FBP2: variants seen among roughly 807,000 people sequenced by gnomAD.
FBP2 encodes fructose-bisphosphatase 2.
A neutral mutation model predicts 31.6 loss-of-function variants in FBP2; 27 were observed. That is an observed-to-expected ratio of 0.85 (90% confidence interval 0.63 to 1.18). FBP2 has a LOEUF of 1.18. Ranked by LOEUF, FBP2 falls within the 50% of genes most tolerant of loss-of-function variation. The pLI is 0.00. For missense variants in FBP2, 421 were observed against 436.1 expected, an observed-to-expected ratio of 0.97 and a Z score of 0.31; for synonymous variants, 168 against 179.8, an observed-to-expected ratio of 0.93 and a Z score of 0.53.
chr9:94,563,419 C>A lies in FBP2; in HGVS notation c.748G>T (p.Val250Leu). 1 of 1,614,084 alleles carries A rather than the reference C, an allele frequency of 6.2e-7. No individual in the cohort carries two copies. Among genetic ancestry groups the A allele is most frequent in the Non-Finnish European group, 8.5e-7 (1 of 1,179,970 alleles). The change falls in exon 6 of 7, where the codon GTG becomes TTG. Residue 250 changes from valine to leucine, a missense_variant. Physicochemically the swap from Val to Leu is conservative, Grantham distance 32. Coordinates refer to ENST00000375337, the MANE Select transcript of FBP2 (RefSeq NM_003837.4). ...ACCAGGGTGCGGTGCACGTCAGCCA[C>A]CATGGAGCCCACATACCTGGCCCCA... ...PYGARYVGSM[V>L]ADVHRTLVYG...
chr9:94,562,052 C>T (rs1023895240), intron 6 of FBP2, among the ~76,000 whole-genome samples: 41 of 152,266 alleles, frequency 2.7e-4, no homozygotes, highest in African/African-American at 9.1e-4. Flanking sequence ...TGACTCATAC[C>T]TGTAATCCCA....
At chr9:94,576,989 T>C (rs926959798) in intron 3 of FBP2, among the ~76,000 whole-genome samples, 1 of 152,082 alleles carries the variant, frequency 6.6e-6, no homozygotes, top group Admixed American at 6.6e-5. Context: ...CTCCTGATAA[T>C]CTTGGGGCAC....
chr9:94,592,630 G>T (rs1827514751), intron 1 of FBP2, among the ~76,000 whole-genome samples: 1 of 152,160 alleles, frequency 6.6e-6, no homozygotes, highest in Admixed American at 6.5e-5. Flanking sequence ...CATCTCCCAG[G>T]TTCAAGCGAT....
chr9:94,570,485 C>G (rs1336825437), intron 4 of FBP2: 1 of 152,164 alleles, frequency 6.6e-6, no homozygotes, highest in Non-Finnish European at 1.5e-5. Context: ...ATGTAAATTT[C>G]ATAGGACAGG....
In FBP2 at chr9:94,571,466, T is replaced by A. The variant is rs1217987250; in HGVS notation, c.563A>T (p.Asp188Val). 7 of 1,609,614 alleles carry A rather than the reference T, an allele frequency of 4.3e-6. No individual in the cohort carries two copies. Among genetic ancestry groups the A allele is most frequent in the Non-Finnish European group, 5.9e-6 (7 of 1,177,932 alleles). The change falls in exon 4 of 7, where the codon GAC (aspartate) becomes GTC (valine). Residue 188 changes from aspartate to valine, a missense_variant. Transcript: ENST00000375337. ...TGQGVDLFML[D>V]PALGEFVLVE... The stretch of plus-strand genomic sequence containing the variant: ...GATGCCATATTCTGTACCTACCGGG[T>A]CAAGCATGAAGAGGTCCACGCCTTG...
In FBP2 at chr9:94,587,359, A is replaced by G; in HGVS notation, c.281T>C (p.Val94Ala). 1.9e-6 allele frequency: 3 copies of G among 1,614,086 alleles called. No homozygotes were observed. Among genetic ancestry groups the G allele is most frequent in the Non-Finnish European group, 2.5e-6 (3 of 1,180,008 alleles). Residue 94 changes from valine to alanine, a missense_variant, in exon 2 of 7, where the codon GTC (valine) becomes GCC (alanine). Coordinates refer to ENST00000375337, the MANE Select transcript of FBP2 (RefSeq NM_003837.4). ...GTCCTTATTCTCTTCTGAGACCAGGACGCAGGTACTATAGGAGGATTGGAC... is the reference window on the plus strand; with the variant it reads ...GTCCTTATTCTCTTCTGAGACCAGGGCGCAGGTACTATAGGAGGATTGGAC... ...NMVQSSYSTC[V>A]LVSEENKDAI...
At chr9:94,584,810 T>G in intron 2 of FBP2, 141 bp from the exon 3 acceptor site, 1 of 639,536 alleles carries the variant, frequency 1.6e-6, no homozygotes, top group African/African-American at 1.8e-5. Context: ...AAAAACACCA[T>G]GACTTACGGA....
At chr9:94,570,315 T>A (rs2679602) in intron 4 of FBP2, 40,160 of 152,154 alleles carry the variant, frequency 0.26, 6,712 homozygotes, top group East Asian at 0.53. Flanking sequence ...GTAGAGTAAT[T>A]AAAGCACAGA....
intron 1 of FBP2, among the ~76,000 whole-genome samples, chr9:94,591,840 G>A: frequency 6.6e-6 from 1 of 152,228 alleles, no homozygotes; most frequent in East Asian, 1.9e-4. Context: ...AGTAAATCAC[G>A]CCCATTATCA....
rs774461696 is a variant in FBP2 at position 94,593,735 on chromosome 9, G to C, written c.-9C>G. On this transcript the variant is annotated 5_prime_UTR_variant, in exon 1 of 7. Coordinates refer to ENST00000375337, the MANE Select transcript of FBP2 (RefSeq NM_003837.4). ...GGGCTTCTGTCCGTCATTTTGGCTG[G>C]AATGCTTCAAATCCTTTTCTCCCGG... 1 of 1,613,818 alleles carries C rather than the reference G, an allele frequency of 6.2e-7. No homozygotes were observed. The highest frequency in any genetic ancestry group is 1.1e-5 in the South Asian group (1 of 90,972).
intron 3 of FBP2, among the ~76,000 whole-genome samples, chr9:94,578,949 A>G (rs1333499355): frequency 1.4e-5 from 2 of 147,428 alleles, no homozygotes; most frequent in Non-Finnish European, 3.0e-5. Context: ...GCTACTCAGG[A>G]GGCTGAGGCA....
intron 6 of FBP2, among the ~76,000 whole-genome samples, chr9:94,563,141 A>T (rs1827133807): frequency 1.3e-5 from 2 of 152,172 alleles, no homozygotes; most frequent in Non-Finnish European, 2.9e-5. Flanking sequence ...CAGTCACATA[A>T]CGTCAGCCTG....
chr9:94,560,712 T>C (rs1209022242), intron 6 of FBP2, among the ~76,000 whole-genome samples: 2 of 147,000 alleles, frequency 1.4e-5, no homozygotes, highest in Non-Finnish European at 1.5e-5. Context: ...TTATATGTTA[T>C]TATATATTAT....
At chr9:94,566,199 G>GC (rs1443343787) in intron 5 of FBP2, among the ~76,000 whole-genome samples, 1 of 152,128 alleles carries the variant, frequency 6.6e-6, no homozygotes, top group Non-Finnish European at 1.5e-5. Context: ...TTGGGAACAG[G>GC]CCCCCCAAAA....
chr9:94,585,991 C>A (rs1827422931), intron 2 of FBP2, among the ~76,000 whole-genome samples: 1 of 152,190 alleles, frequency 6.6e-6, no homozygotes, highest in African/African-American at 2.4e-5. Context: ...ACCTCAGCCT[C>A]CCAAAGCACC....
At chr9:94,580,775 CT>C (rs1441685368) in intron 3 of FBP2, among the ~76,000 whole-genome samples, 3 of 152,158 alleles carry the variant, frequency 2.0e-5, no homozygotes, top group Non-Finnish European at 4.4e-5. Flanking sequence ...CCTCTAGTCC[CT>C]AAAAAAGGCC....
At chr9:94,560,947 T>C (rs1481274508) in intron 6 of FBP2, among the ~76,000 whole-genome samples, 2 of 151,800 alleles carry the variant, frequency 1.3e-5, no homozygotes, top group East Asian at 3.9e-4. Flanking sequence ...CTTAAAGTAG[T>C]GGGTGTCCAG....
At chr9:94,571,328 A>C in intron 4 of FBP2, 134 bp downstream of exon 4, 1 of 943,320 alleles carries the variant, frequency 1.1e-6, no homozygotes, top group Non-Finnish European at 1.5e-6. Flanking sequence ...TGGCTCCCCA[A>C]ACTAGGCTCT....
At chr9:94,573,268 G>A (rs1056636393) in intron 3 of FBP2, among the ~76,000 whole-genome samples, 2 of 152,158 alleles carry the variant, frequency 1.3e-5, no homozygotes, top group Admixed American at 6.5e-5. Context: ...AAGACTTTCT[G>A]TTTTTTCAGA....
Sources: gnomAD v4.1 joint callset for allele counts (sites outside exome capture counted in the v4.1 genomes callset) on GRCh38, gnomAD v4.1.1 for gene constraint, MANE v1.5 for transcripts, NCBI Gene and HGNC (gene_info 2026-07-23, HGNC 2026-07-21) for gene names.